The following RMDN2 variants were observed in gnomAD, a reference collection of about 807,000 sequenced individuals.
RMDN2 encodes the protein regulator of microtubule dynamics 2, also known as regulator of microtubule dynamics protein 2.
Under a neutral mutation model 52.8 loss-of-function variants are expected in RMDN2, and 61 were observed. The ratio of observed to expected loss-of-function variants is 1.16; its 90% CI spans 0.94 to 1.43. The LOEUF (loss-of-function observed/expected upper bound fraction) is 1.43, where lower values mean the gene tolerates loss of function less well. RMDN2 is among the 40% of genes most tolerant of loss of function. The probability of loss-of-function intolerance (pLI) is 0.00; values close to 1 mark genes in which losing one functional copy is unlikely to be tolerated. For missense variants in RMDN2, 592 were observed against 475.3 expected (o/e 1.25, Z -2.28); for synonymous variants, 180 against 153.1 (o/e 1.18, Z -1.30).
chr2:37,989,172 G>T (rs1446182681), intron 5 of RMDN2, among the ~76,000 whole-genome samples: 1 of 151,960 alleles, frequency 6.6e-6, no homozygotes, highest in Non-Finnish European at 1.5e-5. Context: ...CTAATTTAAT[G>T]CTTAATGTGA....
Position 38,012,684 on chromosome 2 carries a change from A to G in RMDN2, c.1180-4502A>G, listed in dbSNP as rs112848798. ...GTATATTTCCATTTCTTTTTCCATG[A>G]GAAAATAGGATGAAGTGAGTTATAT... is the stretch of plus-strand genomic sequence containing the variant. On this transcript the variant is annotated intron_variant, in intron 10 of 10. Coordinates refer to ENST00000354545, the MANE Select transcript of RMDN2 (RefSeq NM_001170791.3). The G allele has an allele frequency of 3.6e-3, 1,565 of 438,970 alleles. 18 individuals are homozygous for G. The highest frequency in any genetic ancestry group is 0.029 in the African/African-American group (1,393 of 48,594). 27.2% of individuals were successfully genotyped at this position (438,970 alleles called of 1,614,324 possible). A position where few individuals can be genotyped will look rare whatever the true frequency, so the allele number is the denominator to read the frequency against.
At chr2:37,975,075 A>T in intron 3 of RMDN2, 137 bp from the exon 4 acceptor site, 1 of 650,784 alleles carries the variant, frequency 1.5e-6, no homozygotes, top group Non-Finnish European at 2.8e-6. Context: ...CACACGAAAT[A>T]TGCATATACA....
intron 10 of RMDN2, among the ~76,000 whole-genome samples, chr2:38,048,897 T>C (rs972347462): frequency 1.3e-5 from 2 of 152,242 alleles, no homozygotes; most frequent in African/African-American, 4.8e-5. Context: ...ATTTTAAATA[T>C]GGCTTTAATT....
intron 10 of RMDN2, among the ~76,000 whole-genome samples, chr2:38,039,720 A>T (rs1680836256): frequency 6.6e-6 from 1 of 152,204 alleles, no homozygotes; most frequent in African/African-American, 2.4e-5. Flanking sequence ...ATGGGGTCAG[A>T]AGGGACAGCT....
intron 2 of RMDN2, among the ~76,000 whole-genome samples, chr2:37,943,363 C>T (rs1263211659): frequency 6.6e-6 from 1 of 152,138 alleles, no homozygotes; most frequent in Admixed American, 6.6e-5. Flanking sequence ...ACAAGATTTC[C>T]AGAATAGTGG....
intron 5 of RMDN2, among the ~76,000 whole-genome samples, chr2:37,985,665 G>C (rs560640004): frequency 6.6e-6 from 1 of 152,072 alleles, no homozygotes; most frequent in Non-Finnish European, 1.5e-5. Context: ...AAGTATGCTT[G>C]TAAAAGTTAC....
intron 10 of RMDN2, among the ~76,000 whole-genome samples, chr2:38,011,234 G>T (rs556293914): frequency 1.2e-4 from 19 of 152,250 alleles, no homozygotes; most frequent in Middle Eastern, 6.8e-3. Context: ...TTGGTTTTTG[G>T]ACACTGGCCA....
intron 8 of RMDN2, among the ~76,000 whole-genome samples, chr2:37,998,744 A>G (rs60103874): frequency 0.31 from 47,507 of 152,100 alleles, 8,139 homozygotes; most frequent in East Asian, 0.67. Context: ...AAAATAAAAA[A>G]GAAACGGGCT....
chr2:38,039,347 G>A (rs1680811291), intron 10 of RMDN2: 1 of 152,196 alleles, frequency 6.6e-6, no homozygotes, highest in Admixed American at 6.5e-5. Context: ...GATCAGCCTC[G>A]GATGGAAGCC....
chr2:37,983,760 G>T (rs1673628601), intron 5 of RMDN2, among the ~76,000 whole-genome samples: 1 of 152,096 alleles, frequency 6.6e-6, no homozygotes, highest in South Asian at 2.1e-4. Context: ...ATCTTATTCT[G>T]CTGGACTCTC....
At chr2:38,005,271 C>G (rs1017609803) in intron 10 of RMDN2, among the ~76,000 whole-genome samples, 1 of 152,208 alleles carries the variant, frequency 6.6e-6, no homozygotes, top group Non-Finnish European at 1.5e-5. Flanking sequence ...CCTGAGGAAT[C>G]GCCACACTGA....
At chr2:38,036,879 A>T (rs562544590) in intron 10 of RMDN2, 2 of 152,266 alleles carry the variant, frequency 1.3e-5, no homozygotes, top group African/African-American at 2.4e-5. Flanking sequence ...GCAAAAATCC[A>T]TGGTGCTGGC....
At chr2:37,994,770 T>C (rs756327725) in intron 7 of RMDN2, among the ~76,000 whole-genome samples, 1 of 152,182 alleles carries the variant, frequency 6.6e-6, no homozygotes, top group Admixed American at 6.5e-5. Context: ...ATAAATACAT[T>C]ATCAATTCCT....
Position 37,974,133 on chromosome 2 carries a change from TCTTCAGAAGG to T in RMDN2, c.547_556del (p.Leu183Ter). 1.2e-6 allele frequency: 2 copies of T among 1,613,446 alleles called. No individual in the cohort carries two copies. The highest frequency in any genetic ancestry group is 1.6e-4 in the Middle Eastern group (1 of 6,062). Reference sequence around the variant, plus strand: ...TAGAGGAATTAAATTTAGATGTCCTTCTTCAGAAGGTAGATCATTTACGTATGAGTGAGTC... The same window carrying T: ...TAGAGGAATTAAATTTAGATGTCCTTTAGATCATTTACGTATGAGTGAGTC... On this transcript the variant is annotated frameshift_variant, in exon 3 of 11. Transcript: ENST00000354545. LOFTEE classifies it high-confidence loss of function.
chr2:38,061,803 G>C (rs1312472800), intron 10 of RMDN2, among the ~76,000 whole-genome samples: 1 of 152,156 alleles, frequency 6.6e-6, no homozygotes, highest in Non-Finnish European at 1.5e-5. Context: ...CCTACTAATA[G>C]GTGCTCAATT....
At chr2:37,962,711 T>G (rs1005860790) in intron 2 of RMDN2, among the ~76,000 whole-genome samples, 8 of 152,180 alleles carry the variant, frequency 5.3e-5, no homozygotes, top group African/African-American at 1.9e-4. Context: ...GTTCTGTCTT[T>G]CTGGGGTTCA....
chr2:37,940,687 C>T (rs1434327298), intron 2 of RMDN2, among the ~76,000 whole-genome samples: 1 of 152,072 alleles, frequency 6.6e-6, no homozygotes, highest in Non-Finnish European at 1.5e-5. Context: ...GCTATTGATA[C>T]TTGTGTATGC....
chr2:38,026,925 G>C (rs1329940037), intron 10 of RMDN2: 1 of 138,686 alleles, frequency 7.2e-6, no homozygotes, highest in South Asian at 2.3e-4. Context: ...AGTCTGTTTT[G>C]TTTCAGGTTT....
intron 5 of RMDN2, among the ~76,000 whole-genome samples, chr2:37,982,606 T>C (rs1673468678): frequency 6.6e-6 from 1 of 152,164 alleles, no homozygotes. Flanking sequence ...AATAATTTCT[T>C]AGTGTGTCGC....
Sources: allele counts gnomAD v4.1 joint callset (sites outside exome capture counted in the v4.1 genomes callset), GRCh38; gene constraint gnomAD v4.1.1; transcripts MANE v1.5; gene names NCBI Gene and HGNC (gene_info 2026-07-23, HGNC 2026-07-21).